The following TMEM132D variants were observed in gnomAD, a reference collection of about 807,000 sequenced individuals.
The protein encoded by TMEM132D is mature OL transmembrane protein.
In TMEM132D, 21 loss-of-function variants were observed where a neutral mutation model predicts 62.3. The observed-to-expected ratio is 0.34, with a 90% confidence interval of 0.24 to 0.49. The LOEUF (loss-of-function observed/expected upper bound fraction) is 0.49. Ranked by LOEUF, TMEM132D falls within the 20% of genes least tolerant of loss-of-function variation. The pLI is 0.99. For synonymous variants in TMEM132D, 621 were observed against 575.6 expected (o/e 1.08, Z -1.13); for missense variants, 1,346 against 1,402.8 (o/e 0.96, Z 0.65).
At chr12:129,445,090 TCAA>T (rs533996372) in intron 3 of TMEM132D, among the ~76,000 whole-genome samples, 370 of 152,262 alleles carry the variant, frequency 2.4e-3, no homozygotes, top group African/African-American at 8.5e-3. Flanking sequence ...TAAATATCCA[TCAA>T]TGAAAGACTG....
chr12:129,483,127 C>CA lies in TMEM132D; in HGVS notation c.1115+47931dup, dbSNP rs559198142. ...AATGCCCTTCTCATTAAACAAATGA[C>CA]AAAAAACACAAAATCCGCTGTCAGA... On this transcript the variant is annotated intron_variant, in intron 3 of 8. Transcript: ENST00000422113. 1.4e-3 allele frequency among the ~76,000 whole-genome samples: 206 copies of CA among 152,238 alleles called. 2 individuals are homozygous for CA. Among genetic ancestry groups the CA allele is most frequent in the African/African-American group, 4.4e-3 (181 of 41,554 alleles).
chr12:129,771,534 A>G (rs1044704457), intron 1 of TMEM132D, among the ~76,000 whole-genome samples: 2 of 152,144 alleles, frequency 1.3e-5, no homozygotes, highest in South Asian at 2.1e-4. Context: ...CCGGTTGCCT[A>G]TTTGCAAACT....
intron 3 of TMEM132D, among the ~76,000 whole-genome samples, chr12:129,400,285 T>C (rs977807238): frequency 5.9e-5 from 9 of 152,184 alleles, no homozygotes; most frequent in African/African-American, 2.2e-4. Flanking sequence ...GCATGTCCTC[T>C]GAATTTTAAA....
At chr12:129,900,578 A>G (rs568950218) in intron 1 of TMEM132D, among the ~76,000 whole-genome samples, 1 of 152,332 alleles carries the variant, frequency 6.6e-6, no homozygotes, top group Admixed American at 6.5e-5. Context: ...GAGGACTGTA[A>G]CAAGCAACCT....
Position 129,264,300 on chromosome 12 carries a change from G to T in TMEM132D, c.1300-54637C>A, listed in dbSNP as rs577857696. Among the ~76,000 whole-genome samples the T allele has an allele frequency of 3.3e-5, 5 of 152,262 alleles. No individual in the cohort carries two copies. The South Asian group carries it at 1.0e-3, about 32-fold the overall frequency. On this transcript the variant is annotated intron_variant, in intron 4 of 8. Transcript: ENST00000422113. ...CCCACTTGGGAGGCTGATGCGGGAG[G>T]ATTGCTTGAGCCTGGGAGGTGGAGG...
At chr12:129,149,135 C>T (rs951584608) in intron 5 of TMEM132D, among the ~76,000 whole-genome samples, 2 of 151,712 alleles carry the variant, frequency 1.3e-5, no homozygotes, top group African/African-American at 4.8e-5. Context: ...GAATAGAAAA[C>T]CAAACACCGC....
rs145782744 is a variant in TMEM132D, at chr12:129,748,260, C to A, written c.80-47562G>T. Reference sequence around the variant, plus strand: ...GAATTAGGATTTTCCAGGTGCATTGCAGAAAGAAAGATTCTGGGGGAGGAA... The same window carrying A: ...GAATTAGGATTTTCCAGGTGCATTGAAGAAAGAAAGATTCTGGGGGAGGAA... On this transcript the variant is annotated intron_variant, in intron 1 of 8. Coordinates refer to ENST00000422113, the MANE Select transcript of TMEM132D (RefSeq NM_133448.3). Among the ~76,000 whole-genome samples the A allele has an allele frequency of 2.5e-4, 38 of 151,916 alleles. 3 individuals carry two copies. The highest frequency in any genetic ancestry group is 8.9e-4 in the African/African-American group (37 of 41,430).
At chr12:129,555,983 G>A (rs934166571) in intron 2 of TMEM132D, among the ~76,000 whole-genome samples, 6 of 152,164 alleles carry the variant, frequency 3.9e-5, no homozygotes, top group African/African-American at 1.4e-4. Flanking sequence ...ACATTCTTGG[G>A]TGATGGGTTA....
At chr12:129,163,949 T>C (rs534593432) in intron 5 of TMEM132D, among the ~76,000 whole-genome samples, 64 of 152,332 alleles carry the variant, frequency 4.2e-4, no homozygotes, top group African/African-American at 1.5e-3. Flanking sequence ...CGGATGGAAG[T>C]TGATACCAAA....
At chr12:129,773,935 G>C (rs559796651) in intron 1 of TMEM132D, among the ~76,000 whole-genome samples, 2 of 152,098 alleles carry the variant, frequency 1.3e-5, no homozygotes, top group East Asian at 3.9e-4. Context: ...ATACAGCTCT[G>C]GTTACTAAAT....
intron 1 of TMEM132D, among the ~76,000 whole-genome samples, chr12:129,732,600 G>T (rs921416742): frequency 4.6e-5 from 7 of 152,160 alleles, no homozygotes; most frequent in African/African-American, 1.7e-4. Context: ...TGAGATGCCT[G>T]CTCCCTCCCA....
Position 129,490,452 on chromosome 12 carries a change from A to G in TMEM132D, c.1115+40607T>C, listed in dbSNP as rs975651202. Reference sequence around the variant, plus strand: ...TTTTTTTTTTTTTTTTTTTTTTGAGACAGAGTCTCGCTGTCTCCCAGCCTG... The same window carrying G: ...TTTTTTTTTTTTTTTTTTTTTTGAGGCAGAGTCTCGCTGTCTCCCAGCCTG... On this transcript the variant is annotated intron_variant, in intron 3 of 8. Transcript: ENST00000422113. Among the ~76,000 whole-genome samples, 13 of 117,578 alleles carry G rather than the reference A, an allele frequency of 1.1e-4. No homozygotes were observed. The East Asian group carries it at 2.4e-3, about 22-fold the overall frequency. 77.1% of individuals were successfully genotyped at this position (117,578 alleles called of 152,430 possible). A position where few individuals can be genotyped will look rare whatever the true frequency, so the allele number is the denominator to read the frequency against.
chr12:129,672,698 T>C (rs1033460318), intron 2 of TMEM132D, among the ~76,000 whole-genome samples: 6 of 152,232 alleles, frequency 3.9e-5, no homozygotes, highest in Non-Finnish European at 8.8e-5. Context: ...AATCTACATA[T>C]GTGCATATAT....
chr12:129,193,049 T>C (rs1458389062), intron 5 of TMEM132D, among the ~76,000 whole-genome samples: 2 of 150,974 alleles, frequency 1.3e-5, no homozygotes, highest in South Asian at 2.1e-4. Flanking sequence ...TCCCAGCTAC[T>C]AGGGAGGCTG....
chr12:129,750,391 C>T (rs1869962460), intron 1 of TMEM132D, among the ~76,000 whole-genome samples: 1 of 152,074 alleles, frequency 6.6e-6, no homozygotes, highest in Non-Finnish European at 1.5e-5. Context: ...AGCCAGATGC[C>T]CTTTATTATA....
In TMEM132D at chr12:129,742,747, T is replaced by C. The variant is rs183967805; in HGVS notation, c.80-42049A>G. Among the ~76,000 whole-genome samples, 345 of 152,310 alleles carry C rather than the reference T, an allele frequency of 2.3e-3. 1 individual carries two copies. The highest frequency in any genetic ancestry group is 3.7e-3 in the Non-Finnish European group (251 of 68,034). ...CTCAGAACTCCTTAAAACAAATTGC[T>C]GTCTGCATGCACCTGAGATAGACCC... On this transcript the variant is annotated intron_variant, in intron 1 of 8. Transcript: ENST00000422113.
intron 1 of TMEM132D, among the ~76,000 whole-genome samples, chr12:129,729,233 TAG>T (rs2137250614): frequency 6.6e-6 from 1 of 152,298 alleles, no homozygotes; most frequent in East Asian, 1.9e-4. Context: ...CTCTGGACCA[TAG>T]AGTCACTGGC....
At chr12:129,488,665 T>C (rs1874661625) in intron 3 of TMEM132D, among the ~76,000 whole-genome samples, 1 of 152,024 alleles carries the variant, frequency 6.6e-6, no homozygotes, top group African/African-American at 2.4e-5. Context: ...ACAGCAAGAC[T>C]CTGTCTGGAG....
intron 3 of TMEM132D, among the ~76,000 whole-genome samples, chr12:129,370,025 TC>T (rs1405254563): frequency 3.3e-5 from 5 of 152,070 alleles, no homozygotes; most frequent in African/African-American, 1.2e-4. Flanking sequence ...TTCATGGGGC[TC>T]CCCTACCCAG....
Sources: allele counts gnomAD v4.1 joint callset (sites outside exome capture counted in the v4.1 genomes callset), GRCh38; gene constraint gnomAD v4.1.1; transcripts MANE v1.5; gene names NCBI Gene and HGNC (gene_info 2026-07-23, HGNC 2026-07-21).